The following DCHS2 variants were observed in gnomAD, a reference collection of about 807,000 sequenced individuals.
DCHS2 encodes the protein dachsous cadherin-related 2.
In DCHS2, 142 loss-of-function variants were observed where a neutral mutation model predicts 182.4. That is an observed-to-expected ratio of 0.78 (90% CI 0.68 to 0.89). The LOEUF (loss-of-function observed/expected upper bound fraction) is 0.89, where lower values mean the gene tolerates loss of function less well. DCHS2 is among the 40% of genes least tolerant of loss of function. The probability of loss-of-function intolerance (pLI) is 0.00; values close to 1 mark genes in which losing one functional copy is unlikely to be tolerated. For synonymous variants in DCHS2, 1,740 were observed against 1,663.3 expected (o/e 1.05, Z -1.12); for missense variants, 4,319 against 4,198.6 (o/e 1.03, Z -0.79).
chr4:154,264,403 G>C (rs79176346), intron 14 of DCHS2, among the ~76,000 whole-genome samples: 1,977 of 152,090 alleles, frequency 0.013, 58 homozygotes, highest in African/African-American at 0.045. Context: ...TTTTTCAAAA[G>C]ACAAAGAGTT....
chr4:154,311,418 A>G (rs1303119254), intron 10 of DCHS2, among the ~76,000 whole-genome samples: 1 of 150,994 alleles, frequency 6.6e-6, no homozygotes, highest in Non-Finnish European at 1.5e-5. Context: ...TTTTTTTTGT[A>G]AAGGTGAGGT....
intron 13 of DCHS2, among the ~76,000 whole-genome samples, chr4:154,291,108 C>A (rs543949906): frequency 6.6e-6 from 1 of 151,964 alleles, no homozygotes; most frequent in South Asian, 2.1e-4. Flanking sequence ...TCTAATAATC[C>A]GATTAAAAAA....
chr4:154,430,379 G>A (rs1733510803), intron 1 of DCHS2, among the ~76,000 whole-genome samples: 1 of 152,132 alleles, frequency 6.6e-6, no homozygotes, highest in Non-Finnish European at 1.5e-5. Flanking sequence ...TCAAGCCTGG[G>A]CAGCATCAAA....
At chr4:154,373,037 A>T (rs1161364239) in intron 2 of DCHS2, among the ~76,000 whole-genome samples, 1 of 152,200 alleles carries the variant, frequency 6.6e-6, no homozygotes, top group Non-Finnish European at 1.5e-5. Context: ...TCAGAGGAAA[A>T]ACCAGAGATT....
At chr4:154,364,144 G>A (rs1730245899) in intron 3 of DCHS2, among the ~76,000 whole-genome samples, 1 of 152,220 alleles carries the variant, frequency 6.6e-6, no homozygotes, top group African/African-American at 2.4e-5. Context: ...TTCCATGAAA[G>A]TTCCCTAAGA....
chr4:154,308,913 G>A (rs975694621), intron 10 of DCHS2, among the ~76,000 whole-genome samples: 11 of 152,092 alleles, frequency 7.2e-5, no homozygotes, highest in African/African-American at 4.8e-5. Flanking sequence ...TGATATAACC[G>A]GAAACCCTAA....
intron 1 of DCHS2, among the ~76,000 whole-genome samples, chr4:154,380,328 A>G (rs572009729): frequency 3.5e-4 from 54 of 152,218 alleles, no homozygotes; most frequent in African/African-American, 1.3e-3. Flanking sequence ...GATTCTTCTC[A>G]TCAGTTGGGC....
rs576413325 is a variant in DCHS2, at chr4:154,357,541, A to G, written c.2476+8669T>C. ...CCTTGGTGTTATCAGTACTGCACAA[A>G]GCCTTCTTTAGCACATCACACAAAA... On this transcript the variant is annotated intron_variant, in intron 3 of 19. Transcript: ENST00000357232. Among the ~76,000 whole-genome samples the G allele has an allele frequency of 6.6e-5, 10 of 152,306 alleles. No homozygotes were observed. The South Asian group carries it at 2.1e-3, about 32-fold the overall frequency.
At chr4:154,251,995 G>A (rs1323349300) in intron 16 of DCHS2, among the ~76,000 whole-genome samples, 4 of 152,046 alleles carry the variant, frequency 2.6e-5, no homozygotes, top group Non-Finnish European at 5.9e-5. Context: ...GGCTTAATAT[G>A]AAAACTAAAA....
At chr4:154,392,026 A>G (rs915605731) in intron 1 of DCHS2, among the ~76,000 whole-genome samples, 1 of 152,182 alleles carries the variant, frequency 6.6e-6, no homozygotes, top group African/African-American at 2.4e-5. Flanking sequence ...GGGAAAAGTT[A>G]ACTTATAAAA....
intron 7 of DCHS2, chr4:154,322,953 G>C (rs1314059236): frequency 2.6e-6 from 1 of 381,942 alleles, no homozygotes; most frequent in East Asian, 4.3e-5. Flanking sequence ...CAAATATTCA[G>C]TAAGTTTTCA....
intron 1 of DCHS2, among the ~76,000 whole-genome samples, chr4:154,401,111 C>T (rs555808120): frequency 6.6e-6 from 1 of 152,302 alleles, no homozygotes; most frequent in East Asian, 1.9e-4. Context: ...ATTTCTATCA[C>T]CATAGATTAA....
chr4:154,411,177 T>G (rs530073812), intron 1 of DCHS2, among the ~76,000 whole-genome samples: 1 of 152,298 alleles, frequency 6.6e-6, no homozygotes, highest in Non-Finnish European at 1.5e-5. Flanking sequence ...GCAAAATCCT[T>G]TTTTAAAAGG....
chr4:154,356,150 A>T (rs543578565), intron 3 of DCHS2, among the ~76,000 whole-genome samples: 1 of 152,212 alleles, frequency 6.6e-6, no homozygotes, highest in Admixed American at 6.5e-5. Context: ...AGTGGTATTC[A>T]TGCTCTTGAC....
chr4:154,441,003 G>A (rs939912692), intron 1 of DCHS2, among the ~76,000 whole-genome samples: 3 of 152,198 alleles, frequency 2.0e-5, no homozygotes, highest in African/African-American at 7.2e-5. Context: ...TTACTATGAC[G>A]TCTCTTTGAA....
At chr4:154,385,405 A>T (rs1416445146) in intron 1 of DCHS2, among the ~76,000 whole-genome samples, 1 of 152,154 alleles carries the variant, frequency 6.6e-6, no homozygotes, top group African/African-American at 2.4e-5. Context: ...GTGTCTTTAT[A>T]GCAGCATGTT....
chr4:154,235,879 A>C lies in DCHS2; in HGVS notation c.8773T>G (p.Phe2925Val). 6.2e-7 allele frequency: 1 copy of C among 1,614,078 alleles called. No individual in the cohort carries two copies. Among genetic ancestry groups the C allele is most frequent in the Non-Finnish European group, 8.5e-7 (1 of 1,179,966 alleles). Reference sequence around the variant, plus strand: ...CCATTGGTTTTATTTACTGAAAAGAAAGGAGATGAGGTTCCAAGGGAGTAA... The same window carrying C: ...CCATTGGTTTTATTTACTGAAAAGACAGGAGATGAGGTTCCAAGGGAGTAA... ...ILYSLGTSSPFFSVNKTNGNI... is the reference protein window; with the variant it reads ...ILYSLGTSSPVFSVNKTNGNI... The change falls in exon 20 of 20, where the codon TTC (phenylalanine) becomes GTC (valine). Residue 2925 changes from phenylalanine to valine, a missense_variant. Transcript: ENST00000357232.
At chr4:154,436,883 A>G (rs1733802831) in intron 1 of DCHS2, among the ~76,000 whole-genome samples, 1 of 152,246 alleles carries the variant, frequency 6.6e-6, no homozygotes. Flanking sequence ...AAATATCTCA[A>G]TAATGTCTTC....
At chr4:154,447,166 C>T (rs1438599605) in intron 1 of DCHS2, among the ~76,000 whole-genome samples, 1 of 152,114 alleles carries the variant, frequency 6.6e-6, no homozygotes, top group Non-Finnish European at 1.5e-5. Flanking sequence ...GTGGTGCACT[C>T]CTGTAATCCC....
Sources: gnomAD v4.1 joint callset for allele counts (sites outside exome capture counted in the v4.1 genomes callset) on GRCh38, gnomAD v4.1.1 for gene constraint, MANE v1.5 for transcripts, NCBI Gene and HGNC (gene_info 2026-07-23, HGNC 2026-07-21) for gene names.